The following SPIRE1 variants were observed in gnomAD, a reference collection of about 807,000 sequenced individuals.
SPIRE1 encodes spire type actin nucleation factor 1.
In SPIRE1, 40 loss-of-function variants were observed where a neutral mutation model predicts 94.1. The observed-to-expected ratio is 0.43, with a 90% CI of 0.33 to 0.55. The LOEUF is 0.55. SPIRE1 is among the 20% of genes least tolerant of loss of function. The pLI is 0.06. For missense variants in SPIRE1, 838 were observed against 975.2 expected, an observed-to-expected ratio of 0.86 and a Z score of 1.87; for synonymous variants, 376 against 371.7, an observed-to-expected ratio of 1.01 and a Z score of -0.13.
intron 2 of SPIRE1, among the ~76,000 whole-genome samples, chr18:12,625,305 G>A (rs1287841537): frequency 6.6e-6 from 1 of 152,082 alleles, no homozygotes; most frequent in Non-Finnish European, 1.5e-5. Flanking sequence ...GGTGTGTTTG[G>A]GGTCTTTAAT....
rs771470054 is a variant in SPIRE1 at position 12,535,500 on chromosome 18, C to G, written c.705G>C (p.Leu235=). The change falls in exon 4 of 17, where the codon CTG becomes CTC. Residue 235 remains leucine (L), a synonymous_variant. Transcript: ENST00000409402. ...CCTCTTTCGCACTCTTAATTTTGGTCAGAAATGTATGGAGCTCCATTGTTT... is the reference window on the plus strand; with the variant it reads ...CCTCTTTCGCACTCTTAATTTTGGTGAGAAATGTATGGAGCTCCATTGTTT... ...FAETMELHTF[L]TKIKSAKENL... 1 of 1,613,078 alleles carries G rather than the reference C, an allele frequency of 6.2e-7. No individual in the cohort carries two copies.
At position 12,449,869 on chromosome 18, in the gene SPIRE1, G is replaced by A; in HGVS notation, c.2040C>T (p.Asp680=). 1 of 1,614,062 alleles carries A rather than the reference G, an allele frequency of 6.2e-7. No individual in the cohort carries two copies. The highest frequency in any genetic ancestry group is 8.5e-7 in the Non-Finnish European group (1 of 1,180,020). ...GAAACTGGAGTTCTTCATCTGATTT[G>A]TCCATAGACTTAGATTTTGAGGAGA... is the stretch of plus-strand genomic sequence containing the variant. ...ARFSSKSKSM[D]KSDEELQFPK... Residue 680 remains aspartate, a synonymous_variant, in exon 17 of 17, where the codon GAC becomes GAT. Transcript: ENST00000409402.
chr18:12,492,816 C>T (rs778902282), intron 8 of SPIRE1, among the ~76,000 whole-genome samples: 3 of 151,996 alleles, frequency 2.0e-5, no homozygotes, highest in Admixed American at 1.3e-4. Flanking sequence ...AATTACGGCA[C>T]GATGTTCTCA....
At chr18:12,550,220 C>T (rs899665480) in intron 2 of SPIRE1, among the ~76,000 whole-genome samples, 2 of 152,100 alleles carry the variant, frequency 1.3e-5, no homozygotes, top group African/African-American at 2.4e-5. Context: ...GCAAACCTCC[C>T]GAAAGGGCGG....
upstream of SPIRE1, chr18:12,658,612 C>G (rs755115999): frequency 1.0e-3 from 486 of 470,520 alleles, 4 homozygotes; most frequent in Non-Finnish European, 3.2e-4. Context: ...AACTTGAACC[C>G]GCCTGGAGCG....
chr18:12,562,278 T>A (rs961049057), intron 2 of SPIRE1, among the ~76,000 whole-genome samples: 1 of 152,112 alleles, frequency 6.6e-6, no homozygotes, highest in Non-Finnish European at 1.5e-5. Flanking sequence ...CTCATAATAA[T>A]GTATTTGTTT....
intron 4 of SPIRE1, chr18:12,516,202 T>G (rs1486754114): frequency 6.6e-6 from 1 of 152,166 alleles, no homozygotes. Context: ...ATCCTTCTGT[T>G]GAGAAATGCA....
At chr18:12,634,271 A>AT (rs1567981710) in intron 2 of SPIRE1, among the ~76,000 whole-genome samples, 4 of 147,842 alleles carry the variant, frequency 2.7e-5, no homozygotes, top group African/African-American at 7.4e-5. Context: ...AAAAAAAAAA[A>AT]AATAATAATA....
intron 6 of SPIRE1, among the ~76,000 whole-genome samples, chr18:12,501,628 C>A (rs1209753166): frequency 6.6e-6 from 1 of 152,142 alleles, no homozygotes; most frequent in Non-Finnish European, 1.5e-5. Flanking sequence ...GTGTTCCGCA[C>A]GCCTCGGCCT....
intron 2 of SPIRE1, among the ~76,000 whole-genome samples, chr18:12,556,517 G>A (rs558598182): frequency 7.7e-4 from 117 of 152,310 alleles, no homozygotes; most frequent in Middle Eastern, 3.4e-3. Context: ...TCTTAAAGAT[G>A]GTGTGTCCGG....
chr18:12,481,879 A>G (rs916411847), intron 9 of SPIRE1, among the ~76,000 whole-genome samples: 1 of 152,234 alleles, frequency 6.6e-6, no homozygotes, highest in Non-Finnish European at 1.5e-5. Flanking sequence ...AATTGTTGAC[A>G]TTTTGTGGGA....
At chr18:12,624,169 G>A (rs963719223) in intron 2 of SPIRE1, among the ~76,000 whole-genome samples, 5 of 151,746 alleles carry the variant, frequency 3.3e-5, no homozygotes, top group African/African-American at 4.8e-5. Context: ...TGATCCGCCC[G>A]CCTCGGCCTC....
rs62097096 is a variant in SPIRE1, at chr18:12,547,155, A to G, written c.373-251T>C. 5.1e-3 allele frequency among the ~76,000 whole-genome samples: 778 copies of G among 152,354 alleles called. 6 individuals carry two copies. Among genetic ancestry groups the G allele is most frequent in the South Asian group, 0.019 (90 of 4,828 alleles). ...TTCTGAGAACAGATATAGTTATCAA[A>G]GAATATATCCTCTCAGAACTCTTAT... On this transcript the variant is annotated intron_variant, in intron 2 of 16. Transcript: ENST00000409402.
intron 4 of SPIRE1, among the ~76,000 whole-genome samples, chr18:12,527,757 T>G (rs1165510401): frequency 6.6e-6 from 1 of 151,996 alleles, no homozygotes; most frequent in Non-Finnish European, 1.5e-5. Context: ...TCTATTCTCC[T>G]CTGTTTCTTC....
chr18:12,602,982 G>C (rs946864299), intron 2 of SPIRE1, among the ~76,000 whole-genome samples: 3 of 152,088 alleles, frequency 2.0e-5, no homozygotes, highest in Non-Finnish European at 2.9e-5. Flanking sequence ...TTATGATGGA[G>C]TTACATCCTG....
At chr18:12,541,545 A>C (rs1008909228) in intron 3 of SPIRE1, among the ~76,000 whole-genome samples, 1 of 152,206 alleles carries the variant, frequency 6.6e-6, no homozygotes, top group Admixed American at 6.5e-5. Flanking sequence ...TAGTAAATTG[A>C]ACTTTTTATC....
intron 12 of SPIRE1, among the ~76,000 whole-genome samples, chr18:12,462,320 T>G (rs1042202292): frequency 6.6e-6 from 1 of 152,216 alleles, no homozygotes; most frequent in Non-Finnish European, 1.5e-5. Context: ...AAAATGGACT[T>G]AGTATTCAAT....
chr18:12,482,276 G>A (rs773963271), intron 9 of SPIRE1, among the ~76,000 whole-genome samples: 1 of 152,088 alleles, frequency 6.6e-6, no homozygotes, highest in Non-Finnish European at 1.5e-5. Flanking sequence ...CAGAGTAGCC[G>A]GGACTACAGG....
chr18:12,614,444 A>C (rs62097145), intron 2 of SPIRE1, among the ~76,000 whole-genome samples: 19,161 of 152,200 alleles, frequency 0.13, 1,572 homozygotes, highest in East Asian at 0.23. Flanking sequence ...TCCTCCCTGC[A>C]AGAAACTCTT....
Sources: gnomAD v4.1 joint callset for allele counts (sites outside exome capture counted in the v4.1 genomes callset) on GRCh38, gnomAD v4.1.1 for gene constraint, MANE v1.5 for transcripts, NCBI Gene and HGNC (gene_info 2026-07-23, HGNC 2026-07-21) for gene names.